PACRG: variants seen among roughly 807,000 people sequenced by gnomAD.
PACRG encodes the protein parkin coregulated.
In PACRG, 29 loss-of-function variants were observed where a neutral mutation model predicts 29.7. That is an observed-to-expected ratio of 0.98 (90% CI 0.73 to 1.33). The LOEUF is 1.33. PACRG is among the 40% of genes most tolerant of loss of function. PACRG has a pLI of 0.00. For synonymous variants in PACRG, 116 were observed against 118.7 expected (o/e 0.98, Z 0.15); for missense variants, 279 against 316.2 (o/e 0.88, Z 0.89).
intron 4 of PACRG, among the ~76,000 whole-genome samples, chr6:163,274,568 A>T (rs1783957538): frequency 6.6e-6 from 1 of 152,168 alleles, no homozygotes; most frequent in Non-Finnish European, 1.5e-5. Flanking sequence ...GGCTGGGTCA[A>T]ATGGTATTTC....
At chr6:163,184,358 T>C (rs1369123618) in intron 4 of PACRG, among the ~76,000 whole-genome samples, 2 of 152,190 alleles carry the variant, frequency 1.3e-5, no homozygotes, top group African/African-American at 4.8e-5. Context: ...TTAAAGACAG[T>C]GCATCTCTTT....
At chr6:162,785,168 C>CAGAGAGAGAGAGAGAGAGAG (rs71008111) in intron 1 of PACRG, among the ~76,000 whole-genome samples, 1 of 138,026 alleles carries the variant, frequency 7.2e-6, no homozygotes, top group African/African-American at 2.6e-5. Flanking sequence ...ATGAGGGAGG[C>CAGAGAGAGAGAGAGAGAGAG]AGAGAGAGAG....
intron 2 of PACRG, among the ~76,000 whole-genome samples, chr6:162,879,112 A>C (rs1454225424): frequency 6.6e-6 from 1 of 152,204 alleles, no homozygotes; most frequent in Non-Finnish European, 1.5e-5. Flanking sequence ...GTCCTCAAAA[A>C]TTAACCCCCC....
At chr6:163,071,867 C>G (rs1812088761) in intron 3 of PACRG, among the ~76,000 whole-genome samples, 2 of 151,618 alleles carry the variant, frequency 1.3e-5, no homozygotes, top group East Asian at 3.9e-4. Context: ...TAAAAACCTA[C>G]CTAGGTTGAA....
chr6:162,945,302 A>C (rs1472278054), intron 2 of PACRG, among the ~76,000 whole-genome samples: 2 of 152,146 alleles, frequency 1.3e-5, no homozygotes, highest in Non-Finnish European at 2.9e-5. Context: ...ACTGCCAGTA[A>C]GTGATGGAAA....
chr6:162,900,322 A>C (rs1038342994), intron 2 of PACRG, among the ~76,000 whole-genome samples: 5 of 152,070 alleles, frequency 3.3e-5, no homozygotes, highest in Admixed American at 2.6e-4. Flanking sequence ...TCTTGCCTCA[A>C]ACTTTCCATA....
At chr6:163,138,313 G>A (rs571827483) in intron 4 of PACRG, among the ~76,000 whole-genome samples, 181 of 152,250 alleles carry the variant, frequency 1.2e-3, no homozygotes, top group African/African-American at 4.3e-3. Context: ...AGAATGCTCT[G>A]TTCACAACCA....
chr6:162,996,926 G>A (rs1164859758), intron 2 of PACRG, among the ~76,000 whole-genome samples: 12 of 152,116 alleles, frequency 7.9e-5, no homozygotes, highest in African/African-American at 2.9e-4. Context: ...AGTGGCATAA[G>A]TCATGGGTAG....
chr6:162,968,876 G>A (rs374083506), intron 2 of PACRG, among the ~76,000 whole-genome samples: 6 of 151,770 alleles, frequency 4.0e-5, no homozygotes, highest in African/African-American at 1.4e-4. Flanking sequence ...GCGAAACCCC[G>A]TCTGTACTAA....
At chr6:163,266,176 A>G (rs1247958389) in intron 4 of PACRG, among the ~76,000 whole-genome samples, 2 of 152,256 alleles carry the variant, frequency 1.3e-5, no homozygotes, top group South Asian at 2.1e-4. Flanking sequence ...AGAAATATCA[A>G]TTACAAACTT....
At chr6:163,286,597 G>C (rs998062832) in intron 4 of PACRG, among the ~76,000 whole-genome samples, 2 of 152,146 alleles carry the variant, frequency 1.3e-5, no homozygotes, top group Non-Finnish European at 2.9e-5. Context: ...TGGCTTTGCT[G>C]TCAAAGACCA....
Position 162,741,619 on chromosome 6 carries a change from A to G in PACRG, c.156+13228A>G, listed in dbSNP as rs1488619464. Reference sequence around the variant, plus strand: ...ATTACTACCCCCAAAGCCCCATCTTAAAATACTTCACATTAGGGATTAGAG... The same window carrying G: ...ATTACTACCCCCAAAGCCCCATCTTGAAATACTTCACATTAGGGATTAGAG... On this transcript the variant is annotated intron_variant, in intron 1 of 4. Coordinates refer to ENST00000366888, the MANE Select transcript of PACRG (RefSeq NM_001080379.2). Among the ~76,000 whole-genome samples, 6 of 152,184 alleles carry G rather than the reference A, an allele frequency of 3.9e-5. No individual in the cohort carries two copies. The South Asian group carries it at 6.2e-4, about 16-fold the overall frequency.
chr6:162,911,729 G>T (rs527938135), intron 2 of PACRG, among the ~76,000 whole-genome samples: 1 of 152,240 alleles, frequency 6.6e-6, no homozygotes, highest in South Asian at 2.1e-4. Context: ...TTCAAAGAGG[G>T]TTTATTTACA....
At chr6:163,020,327 T>C (rs1371011009) in intron 2 of PACRG, among the ~76,000 whole-genome samples, 1 of 152,332 alleles carries the variant, frequency 6.6e-6, no homozygotes, top group African/African-American at 2.4e-5. Context: ...CTATGACATA[T>C]GGAGTTGTGA....
intron 4 of PACRG, among the ~76,000 whole-genome samples, chr6:163,209,687 T>C (rs573908794): frequency 6.6e-4 from 101 of 152,320 alleles, no homozygotes; most frequent in African/African-American, 2.4e-3. Flanking sequence ...ATCAACCTAG[T>C]TAATACCTGA....
intron 1 of PACRG, among the ~76,000 whole-genome samples, chr6:162,732,504 T>C (rs1223683950): frequency 2.0e-5 from 3 of 152,196 alleles, no homozygotes; most frequent in Non-Finnish European, 4.4e-5. Context: ...ACTCACAATG[T>C]TTTATTACTG....
At chr6:162,855,998 G>A (rs1320832011) in intron 2 of PACRG, among the ~76,000 whole-genome samples, 1 of 152,130 alleles carries the variant, frequency 6.6e-6, no homozygotes, top group African/African-American at 2.4e-5. Flanking sequence ...TCCTTGACCG[G>A]GAGGGCCACT....
chr6:163,076,353 C>G (rs778363384), intron 3 of PACRG, among the ~76,000 whole-genome samples: 1 of 152,142 alleles, frequency 6.6e-6, no homozygotes, highest in South Asian at 2.1e-4. Flanking sequence ...ACACCCTCTG[C>G]GAGGCCCTCG....
chr6:163,202,407 G>T (rs184909741), intron 4 of PACRG, among the ~76,000 whole-genome samples: 58 of 152,106 alleles, frequency 3.8e-4, no homozygotes, highest in Non-Finnish European at 7.2e-4. Flanking sequence ...GTATGTGGGG[G>T]TGCATATATG....
Sources: allele counts gnomAD v4.1 joint callset (sites outside exome capture counted in the v4.1 genomes callset), GRCh38; gene constraint gnomAD v4.1.1; transcripts MANE v1.5; gene names NCBI Gene and HGNC (gene_info 2026-07-23, HGNC 2026-07-21).